FAM110A: variants seen among roughly 807,000 people sequenced by gnomAD.
The protein encoded by FAM110A is protein FAM110A.
In FAM110A, 1 loss-of-function variant was observed where a neutral mutation model predicts 4.0. The observed-to-expected ratio is 0.25, with a 90% CI of 0.09 to 1.20. The LOEUF is 1.20. FAM110A is among the 50% of genes most tolerant of loss of function. The probability of loss-of-function intolerance (pLI) is 0.50; values close to 1 mark genes in which losing one functional copy is unlikely to be tolerated. For missense variants in FAM110A, 436 were observed against 429.2 expected, an observed-to-expected ratio of 1.02 and a Z score of -0.14; for synonymous variants, 217 against 196.8, an observed-to-expected ratio of 1.10 and a Z score of -0.86.
chr20:844,435 A>C (rs970839228), intron 1 of FAM110A, among the ~76,000 whole-genome samples: 1 of 2,996 alleles, frequency 3.3e-4, no homozygotes, highest in African/African-American at 5.0e-4. Context: ...TTTTCTGCTC[A>C]GGTTGCCCAG....
chr20:838,663 A>C (rs1466891443), intron 1 of FAM110A, among the ~76,000 whole-genome samples: 1 of 152,208 alleles, frequency 6.6e-6, no homozygotes, highest in Non-Finnish European at 1.5e-5. Context: ...GACAGAGAAC[A>C]GCTGGTGCAA....
At chr20:839,388 A>T in intron 1 of FAM110A, 1 of 570,444 alleles carries the variant, frequency 1.8e-6, no homozygotes, top group South Asian at 1.5e-5. Context: ...CTCAGATGAG[A>T]TTTGTTCTTT....
chr20:844,850 C>T lies in FAM110A; in HGVS notation c.46C>T (p.Leu16=). The T allele has an allele frequency of 2.0e-6, 3 of 1,531,652 alleles. No homozygotes were observed. The highest frequency in any genetic ancestry group is 2.6e-6 in the Non-Finnish European group (3 of 1,138,838). 94.9% of individuals were successfully genotyped at this position (1,531,652 alleles called of 1,614,324 possible). The change falls in exon 2 of 2, where the codon CTA becomes TTA. Residue 16 remains leucine, a synonymous_variant. Coordinates refer to ENST00000381941, the MANE Select transcript of FAM110A (RefSeq NM_001042353.3). ...LSPGAPSAPA[L]PCRLRTRVPG... Reference sequence around the variant, plus strand: ...CCCCGGAGCCCCGTCCGCCCCCGCCCTACCTTGCCGCCTGCGGACCAGGGT... The same window carrying T: ...CCCCGGAGCCCCGTCCGCCCCCGCCTTACCTTGCCGCCTGCGGACCAGGGT...
In FAM110A at chr20:845,635, G is replaced by A; in HGVS notation, c.831G>A (p.Val277=). The change falls in exon 2 of 2, where the codon GTG becomes GTA. Residue 277 remains valine (V), a synonymous_variant. Coordinates refer to ENST00000381941, the MANE Select transcript of FAM110A (RefSeq NM_001042353.3). ...CGGTGGTGGAGCGCAATGCCCGCGT[G>A]ATCAAGTGGTTGTATGGGCTAAGGC... ...GVSVVERNAR[V]IKWLYGLRQA... 1.2e-6 allele frequency: 2 copies of A among 1,614,150 alleles called. No individual in the cohort carries two copies. Among genetic ancestry groups the A allele is most frequent in the Non-Finnish European group, 1.7e-6 (2 of 1,180,038 alleles).
intron 1 of FAM110A, among the ~76,000 whole-genome samples, chr20:843,120 G>C (rs1980032941): frequency 6.6e-6 from 1 of 152,102 alleles, no homozygotes; most frequent in South Asian, 2.1e-4. Context: ...GTGCCGGGAG[G>C]GGGTCAGGAG....
rs1245763436 is a variant in FAM110A, at chr20:840,543, G to A, written c.-97-4165G>A. 2.6e-5 allele frequency among the ~76,000 whole-genome samples: 4 copies of A among 152,236 alleles called. No homozygotes were observed. Among genetic ancestry groups the A allele is most frequent in the Admixed American group, 1.3e-4 (2 of 15,286 alleles). On this transcript the variant is annotated intron_variant, in intron 1 of 1. Transcript: ENST00000381941. The surrounding 1 kb of genome is among the most constrained non-coding windows in gnomAD (Gnocchi z 4.4). Reference sequence around the variant, plus strand: ...ATGAGGGGGCTCTGGGGATTTAAATGAGTATGGTGCCTGGCACCCCAAAAT... The same window carrying A: ...ATGAGGGGGCTCTGGGGATTTAAATAAGTATGGTGCCTGGCACCCCAAAAT...
intron 1 of FAM110A, 56 bp from the exon 2 acceptor site, chr20:844,652 C>A (rs1980150891): frequency 2.4e-6 from 3 of 1,249,740 alleles, no homozygotes; most frequent in Non-Finnish European, 3.1e-6. Flanking sequence ...CGCGGCTGAG[C>A]CTCTTTGTCT....
rs958136567 is a variant in FAM110A at position 844,655 on chromosome 20, C to G, written c.-97-53C>G. 1.7e-5 allele frequency: 22 copies of G among 1,288,600 alleles called. No homozygotes were observed. In the East Asian group the frequency reaches 4.8e-4, roughly 28 times the overall value. The allele number at this position is 1,288,600 out of a possible 1,614,324, so 79.8% of individuals were successfully genotyped here. A position where few individuals can be genotyped will look rare whatever the true frequency, so the allele number is the denominator to read the frequency against. Reference sequence around the variant, plus strand: ...TATCCTCTCAGCCGCGGCTGAGCCTCTTTGTCTGAGCGCGCTCGGCTTTTT... The same window carrying G: ...TATCCTCTCAGCCGCGGCTGAGCCTGTTTGTCTGAGCGCGCTCGGCTTTTT... On this transcript the variant is annotated intron_variant, in intron 1 of 1. Transcript: ENST00000381941.
At chr20:837,494 T>G (rs1402658630) in intron 1 of FAM110A, among the ~76,000 whole-genome samples, 2 of 152,244 alleles carry the variant, frequency 1.3e-5, no homozygotes, top group South Asian at 2.1e-4. Context: ...TATCATAGCC[T>G]GCACTTTGGT....
At chr20:838,559 G>A (rs551274077) in intron 1 of FAM110A, among the ~76,000 whole-genome samples, 22 of 152,254 alleles carry the variant, frequency 1.4e-4, no homozygotes, top group Non-Finnish European at 2.8e-4. Flanking sequence ...ATGAGTGCTC[G>A]GAAGGGAATA....
At position 844,949 on chromosome 20, in the gene FAM110A, G is replaced by T; in HGVS notation, c.145G>T (p.Asp49Tyr). The change falls in exon 2 of 2, where the codon GAC becomes TAC. Residue 49 changes from aspartate to tyrosine, a missense_variant. By Grantham distance (160) the Asp-to-Tyr change is radical. Transcript: ENST00000381941. ...KPSAVERLEA[D>Y]KAKYVKSLHV... ...GAGCGCTGTGGAGCGCCTGGAGGCC[G>T]ACAAGGCCAAGTACGTCAAGAGCCT... 2 of 1,590,454 alleles carry T rather than the reference G, an allele frequency of 1.3e-6. No individual in the cohort carries two copies. Among genetic ancestry groups the T allele is most frequent in the Non-Finnish European group, 8.6e-7 (1 of 1,169,324 alleles).
At chr20:836,925 G>A (rs866357938) in intron 1 of FAM110A, among the ~76,000 whole-genome samples, 86 of 151,962 alleles carry the variant, frequency 5.7e-4, no homozygotes, top group African/African-American at 1.8e-3. Context: ...GTGTGATGTG[G>A]TGTCTCATTG....
chr20:845,641 G>A lies in FAM110A; in HGVS notation c.837G>A (p.Lys279=), dbSNP rs762302254. ...TGGAGCGCAATGCCCGCGTGATCAA[G>A]TGGTTGTATGGGCTAAGGCAGGCTC... ...SVVERNARVI[K]WLYGLRQARE... The change falls in exon 2 of 2, where the codon AAG becomes AAA. Residue 279 remains lysine (K), a synonymous_variant. Coordinates refer to ENST00000381941, the MANE Select transcript of FAM110A (RefSeq NM_001042353.3). The A allele has an allele frequency of 1.2e-6, 2 of 1,614,192 alleles. No homozygotes were observed. Among genetic ancestry groups the A allele is most frequent in the Middle Eastern group, 1.6e-4 (1 of 6,062 alleles).
At position 846,089 on chromosome 20, in the gene FAM110A, C is replaced by T; in HGVS notation, c.*397C>T. On this transcript the variant is annotated 3_prime_UTR_variant, in exon 2 of 2. Transcript: ENST00000381941. ...TTCCTTCCTTGGCCTCTGTCCTTTG[C>T]TGACTTCCTCTTCCTTACCCAGCAG... 1 of 240,914 alleles carries T rather than the reference C, an allele frequency of 4.2e-6. No homozygotes were observed. The highest frequency in any genetic ancestry group is 8.9e-6 in the Non-Finnish European group (1 of 112,760). The allele number at this position is 240,914 out of a possible 1,614,324, so 14.9% of individuals were successfully genotyped here.
In FAM110A at chr20:845,280, T is replaced by C. The variant is rs1024230759; in HGVS notation, c.476T>C (p.Leu159Pro). Reference protein sequence around the residue: ...SAVRRVDVRPLPASPARPCPS... With the variant: ...SAVRRVDVRPPPASPARPCPS... ...GTCCGCCGGGTGGACGTCCGCCCCC[T>C]GCCCGCCTCGCCTGCCCGGCCCTGC... The change falls in exon 2 of 2, where the codon CTG (leucine) becomes CCG (proline). Residue 159 changes from leucine (L) to proline (P), a missense_variant. Leu to Pro is a moderately conservative substitution (Grantham distance 98). Transcript: ENST00000381941. The C allele has an allele frequency of 1.3e-6, 2 of 1,500,504 alleles. No homozygotes were observed. The highest frequency in any genetic ancestry group is 1.4e-5 in the African/African-American group (1 of 69,430). 92.9% of individuals were successfully genotyped at this position (1,500,504 alleles called of 1,614,324 possible).
At chr20:836,839 C>G (rs1260398048) in intron 1 of FAM110A, among the ~76,000 whole-genome samples, 1 of 152,002 alleles carries the variant, frequency 6.6e-6, no homozygotes, top group Non-Finnish European at 1.5e-5. Flanking sequence ...GCACAAAGTG[C>G]TAATTTCTCA....
At chr20:835,213 T>TATATAC (rs1555787559) in intron 1 of FAM110A, among the ~76,000 whole-genome samples, 1 of 148,398 alleles carries the variant, frequency 6.7e-6, no homozygotes, top group Non-Finnish European at 1.5e-5. Flanking sequence ...TATATATATA[T>TATATAC]ACACACACAC....
intron 1 of FAM110A, among the ~76,000 whole-genome samples, chr20:842,952 T>C (rs921688171): frequency 6.6e-6 from 1 of 152,034 alleles, no homozygotes; most frequent in Non-Finnish European, 1.5e-5. Flanking sequence ...GGCAGTATCT[T>C]GAAACTGGGG....
At position 833,909 on chromosome 20, in the gene FAM110A, G is replaced by A. The variant is rs1228808355; in HGVS notation, c.-140G>A. On this transcript the variant is annotated 5_prime_UTR_variant, in exon 1 of 2. Transcript: ENST00000381941. This position sits in a 1 kb window ranked among gnomAD's most constrained non-coding sequence, Gnocchi z 4.1. ...GGTCCGAGCTGTCAGCCTCTCCAAA[G>A]CCTGCGCGAGAGGAGCCGGGACACG... 2 of 152,244 alleles carry A rather than the reference G, an allele frequency of 1.3e-5. No individual in the cohort carries two copies. Among genetic ancestry groups the A allele is most frequent in the Non-Finnish European group, 2.9e-5 (2 of 68,066 alleles). The allele number at this position is 152,244 out of a possible 1,614,324, so 9.4% of individuals were successfully genotyped here.
Sources: allele counts gnomAD v4.1 joint callset (sites outside exome capture counted in the v4.1 genomes callset), GRCh38; gene constraint gnomAD v4.1.1; non-coding constraint Gnocchi (gnomAD v3.1); transcripts MANE v1.5; gene names NCBI Gene and HGNC (gene_info 2026-07-23, HGNC 2026-07-21).